CD247: variants seen among roughly 807,000 people sequenced by gnomAD.
CD247 encodes T-cell surface glycoprotein CD3 zeta chain.
Under a neutral mutation model 30.0 loss-of-function variants are expected in CD247, and 13 were observed. That is an observed-to-expected ratio of 0.43 (90% CI 0.28 to 0.69). The LOEUF is 0.69. Among genes scored for constraint, CD247 ranks in the 30% least tolerant of loss-of-function variants. The pLI is 0.16. For synonymous variants in CD247, 72 were observed against 80.0 expected (o/e 0.90, Z 0.53); for missense variants, 193 against 212.6 (o/e 0.91, Z 0.57).
chr1:167,436,501 A>C (rs895852977), intron 4 of CD247, among the ~76,000 whole-genome samples: 3 of 152,216 alleles, frequency 2.0e-5, no homozygotes, highest in African/African-American at 4.8e-5. Flanking sequence ...AAGAATATAC[A>C]ATGGGAAATG....
chr1:167,503,841 C>T (rs532692915), intron 1 of CD247, among the ~76,000 whole-genome samples: 10 of 152,248 alleles, frequency 6.6e-5, no homozygotes, highest in Admixed American at 5.2e-4. Context: ...TGCCCCCCTA[C>T]CCCCGCCTCT....
intron 1 of CD247, among the ~76,000 whole-genome samples, chr1:167,490,730 C>T (rs1184207768): frequency 1.3e-5 from 2 of 152,108 alleles, no homozygotes; most frequent in African/African-American, 2.4e-5. Flanking sequence ...GTCAGGAATT[C>T]GAGACCAGCC....
rs550299867 is a variant in CD247 at position 167,449,236 on chromosome 1, T to A, written c.59-8469A>T. Reference sequence around the variant, plus strand: ...GGCATGATCTTGGCTGACTGCAACCTCCGCCTCCCAGGTTCAAGCGATTCT... The same window carrying A: ...GGCATGATCTTGGCTGACTGCAACCACCGCCTCCCAGGTTCAAGCGATTCT... On this transcript the variant is annotated intron_variant, in intron 1 of 7. Coordinates refer to ENST00000362089, the MANE Select transcript of CD247 (RefSeq NM_198053.3). Among the ~76,000 whole-genome samples the A allele has an allele frequency of 5.0e-5, 7 of 141,148 alleles. No individual in the cohort carries two copies. In the South Asian group the frequency reaches 1.7e-3, roughly 34 times the overall value. 92.6% of individuals were successfully genotyped at this position (141,148 alleles called of 152,430 possible). A position where few individuals can be genotyped will look rare whatever the true frequency, so the allele number is the denominator to read the frequency against.
intron 5 of CD247, 35 bp from the exon 6 acceptor site, chr1:167,434,111 A>G: frequency 1.9e-6 from 3 of 1,597,252 alleles, no homozygotes; most frequent in Non-Finnish European, 2.6e-6. Context: ...GATTTTTACC[A>G]ACTAATGCAG....
intron 1 of CD247, chr1:167,458,700 T>TTTC (rs1652840569): frequency 2.2e-5 from 3 of 139,108 alleles, no homozygotes; most frequent in African/African-American, 8.1e-5. Context: ...TTTTTTTTTT[T>TTTC]TTTTTTTTTT....
At position 167,431,852 on chromosome 1, in the gene CD247, C is replaced by T. The variant is rs1484588605; in HGVS notation, c.430-106G>A. The T allele has an allele frequency of 1.2e-5, 11 of 939,162 alleles. No homozygotes were observed. In the East Asian group the frequency reaches 2.6e-4, roughly 22 times the overall value. 58.2% of individuals were successfully genotyped at this position (939,162 alleles called of 1,614,324 possible). A position where few individuals can be genotyped will look rare whatever the true frequency, so the allele number is the denominator to read the frequency against. On this transcript the variant is annotated intron_variant, in intron 7 of 7. Coordinates refer to ENST00000362089, the MANE Select transcript of CD247 (RefSeq NM_198053.3). ...TCTCTGCAGCACAGCCCTGTGACCA[C>T]CCACCCAGCCTCCAGAGGCCCAGGA... is the stretch of plus-strand genomic sequence containing the variant.
At chr1:167,500,222 G>C (rs1181361025) in intron 1 of CD247, among the ~76,000 whole-genome samples, 1 of 152,186 alleles carries the variant, frequency 6.6e-6, no homozygotes, top group African/African-American at 2.4e-5. Context: ...AGGATGATTA[G>C]GTGGAGAGCA....
chr1:167,508,019 A>C (rs1655220606), intron 1 of CD247, among the ~76,000 whole-genome samples: 1 of 152,176 alleles, frequency 6.6e-6, no homozygotes, highest in Non-Finnish European at 1.5e-5. Context: ...AAACTAACAG[A>C]TGTGTCTTCC....
At chr1:167,496,772 T>C (rs567574369) in intron 1 of CD247, among the ~76,000 whole-genome samples, 1 of 152,182 alleles carries the variant, frequency 6.6e-6, no homozygotes, top group Non-Finnish European at 1.5e-5. Flanking sequence ...TTAAGGATTG[T>C]TCCTAAATGG....
At chr1:167,498,674 G>A (rs1654789838) in intron 1 of CD247, among the ~76,000 whole-genome samples, 1 of 152,202 alleles carries the variant, frequency 6.6e-6, no homozygotes, top group Non-Finnish European at 1.5e-5. Context: ...TAAAGAAGAG[G>A]ACAGTTTCAG....
rs974047061 is a variant in CD247, at chr1:167,474,729, C to T, written c.59-33962G>A. On this transcript the variant is annotated intron_variant, in intron 1 of 7. Transcript: ENST00000362089. ...GAACAACTTGAGCATATAAGAAAAA[C>T]GACTGCCATGGGTTAAAACTGTCTT... Among the ~76,000 whole-genome samples, 4 of 150,818 alleles carry T rather than the reference C, an allele frequency of 2.7e-5. No individual in the cohort carries two copies. In the South Asian group the frequency reaches 6.3e-4, roughly 24 times the overall value.
rs78922877 is a variant in CD247 at position 167,504,323 on chromosome 1, C to T, written c.58+14085G>A. Among the ~76,000 whole-genome samples, 6 of 152,370 alleles carry T rather than the reference C, an allele frequency of 3.9e-5. No homozygotes were observed. In the East Asian group the frequency reaches 1.2e-3, roughly 29 times the overall value. On this transcript the variant is annotated intron_variant, in intron 1 of 7. Transcript: ENST00000362089. ...CTTTACCAGCCAGGCATATCCCTCT[C>T]CTCTAGAAATGTGAGTACTTTGAGA...
intron 1 of CD247, among the ~76,000 whole-genome samples, chr1:167,450,147 G>A (rs1220371358): frequency 6.6e-6 from 1 of 152,112 alleles, no homozygotes; most frequent in African/African-American, 2.4e-5. Flanking sequence ...ATAATTCTAA[G>A]ATGAACAGCT....
intron 1 of CD247, among the ~76,000 whole-genome samples, chr1:167,492,446 AC>A (rs1654495755): frequency 6.6e-6 from 1 of 152,222 alleles, no homozygotes; most frequent in African/African-American, 2.4e-5. Context: ...GCTCTCAGAG[AC>A]AAAGGTAGGC....
At chr1:167,438,757 G>C (rs547452839) in intron 3 of CD247, 107 bp from the exon 4 acceptor site, 1 of 859,794 alleles carries the variant, frequency 1.2e-6, no homozygotes, top group South Asian at 1.3e-5. Context: ...CTCATAAAAA[G>C]AGGGGCAGGG....
intron 1 of CD247, among the ~76,000 whole-genome samples, chr1:167,509,817 G>A (rs555109199): frequency 3.1e-4 from 47 of 152,268 alleles, no homozygotes; most frequent in African/African-American, 1.1e-3. Flanking sequence ...CAGGGTTTCC[G>A]CAGGTGGGGG....
At chr1:167,464,740 G>A (rs960640226) in intron 1 of CD247, among the ~76,000 whole-genome samples, 17 of 152,322 alleles carry the variant, frequency 1.1e-4, no homozygotes, top group Admixed American at 7.8e-4. Context: ...GCTCTGAAAT[G>A]CCTGGGGACA....
At chr1:167,507,651 C>T (rs1270256083) in intron 1 of CD247, among the ~76,000 whole-genome samples, 5 of 151,888 alleles carry the variant, frequency 3.3e-5, no homozygotes, top group African/African-American at 9.7e-5. Flanking sequence ...GCCAGGGCAA[C>T]GTAGTGAGAA....
intron 1 of CD247, among the ~76,000 whole-genome samples, chr1:167,475,863 T>A (rs1653725003): frequency 6.6e-6 from 1 of 152,158 alleles, no homozygotes; most frequent in African/African-American, 2.4e-5. Context: ...AGAGAAACTG[T>A]CTTTGTTGGA....
Sources: gnomAD v4.1 joint callset for allele counts (sites outside exome capture counted in the v4.1 genomes callset) on GRCh38, gnomAD v4.1.1 for gene constraint, MANE v1.5 for transcripts, NCBI Gene and HGNC (gene_info 2026-07-23, HGNC 2026-07-21) for gene names.